The following SLC47A1 variants were observed in gnomAD, a reference collection of about 807,000 sequenced individuals.
SLC47A1 encodes the protein multidrug and toxin extrusion protein 1.
A neutral mutation model predicts 65.8 loss-of-function variants in SLC47A1; 58 were observed. That is an observed-to-expected ratio of 0.88 (90% confidence interval 0.71 to 1.10). The LOEUF (loss-of-function observed/expected upper bound fraction) is 1.10. Among genes scored for constraint, SLC47A1 ranks in the 50% least tolerant of loss-of-function variants. The pLI is 0.00. For missense variants in SLC47A1, 706 were observed against 719.2 expected, an observed-to-expected ratio of 0.98 and a Z score of 0.21; for synonymous variants, 285 against 295.0, an observed-to-expected ratio of 0.97 and a Z score of 0.35.
At chr17:19,535,870 A>G (rs993710911) in intron 1 of SLC47A1, among the ~76,000 whole-genome samples, 2 of 152,222 alleles carry the variant, frequency 1.3e-5, no homozygotes, top group Non-Finnish European at 2.9e-5. Context: ...GTCTCTGCAT[A>G]TTCATTTGTA....
intron 16 of SLC47A1, among the ~76,000 whole-genome samples, chr17:19,573,316 C>T (rs1198170614): frequency 6.6e-6 from 1 of 152,064 alleles, no homozygotes; most frequent in Non-Finnish European, 1.5e-5. Context: ...CGATTCCTGG[C>T]CCCTTAGGCA....
At chr17:19,570,254 G>A (rs2084389362) in intron 14 of SLC47A1, among the ~76,000 whole-genome samples, 2 of 152,194 alleles carry the variant, frequency 1.3e-5, no homozygotes, top group Non-Finnish European at 2.9e-5. Flanking sequence ...CATAGATCTG[G>A]ACAGCTGTGG....
intron 1 of SLC47A1, among the ~76,000 whole-genome samples, chr17:19,539,107 C>T (rs939002586): frequency 1.3e-5 from 2 of 152,080 alleles, no homozygotes; most frequent in African/African-American, 4.8e-5. Context: ...GGGGTCTCTA[C>T]AAAATGTTGC....
intron 10 of SLC47A1, 69 bp from the exon 11 acceptor site, chr17:19,560,119 C>T: frequency 8.7e-7 from 1 of 1,144,286 alleles, no homozygotes; most frequent in Non-Finnish European, 1.3e-6. Flanking sequence ...AGGCATGAGG[C>T]TGCTTCTCTG....
rs145625832 is a variant in SLC47A1, at chr17:19,570,313, C to T, written c.1310-1165C>T. On this transcript the variant is annotated intron_variant, in intron 14 of 16. Transcript: ENST00000270570. ...AAGACAAGCAAAGTCTGTGTATTCT[C>T]AGCAAGGGTGTTGGCTGCCACCACT... Among the ~76,000 whole-genome samples, 224 of 152,308 alleles carry T rather than the reference C, an allele frequency of 1.5e-3. 1 individual carries two copies. Among genetic ancestry groups the T allele is most frequent in the African/African-American group, 5.4e-3 (223 of 41,550 alleles).
chr17:19,555,856 T>TG lies in SLC47A1; in HGVS notation c.801dup (p.Leu268AlafsTer11), dbSNP rs1567969710. 6.2e-7 allele frequency: 1 copy of TG among 1,613,896 alleles called. No individual in the cohort carries two copies. The highest frequency in any genetic ancestry group is 1.7e-5 in the Admixed American group (1 of 60,026). On this transcript the variant is annotated frameshift_variant, in exon 9 of 17. Transcript: ENST00000270570. LOFTEE classifies it high-confidence loss of function. ...TTCCTCCGCCTGGCCATCCCCAGCATGCTCATGCTGTGCATGGAGTGGTGG... is the reference window on the plus strand; with the variant it reads ...TTCCTCCGCCTGGCCATCCCCAGCATGGCTCATGCTGTGCATGGAGTGGTGG...
intron 1 of SLC47A1, among the ~76,000 whole-genome samples, chr17:19,541,649 G>A (rs9905246): frequency 0.02 from 3,112 of 152,228 alleles, 99 homozygotes; most frequent in African/African-American, 0.072. Context: ...CGATCTCATC[G>A]CTACCTCCAG....
At chr17:19,559,452 G>T (rs2084290020) in intron 10 of SLC47A1, among the ~76,000 whole-genome samples, 1 of 152,228 alleles carries the variant, frequency 6.6e-6, no homozygotes, top group Admixed American at 6.5e-5. Flanking sequence ...AGCCCAGGAG[G>T]TCGAGGCTGT....
At position 19,555,783 on chromosome 17, in the gene SLC47A1, G is replaced by A. The variant is rs538176208; in HGVS notation, c.740-13G>A. 1.2e-6 allele frequency: 2 copies of A among 1,613,316 alleles called. No homozygotes were observed. Among genetic ancestry groups the A allele is most frequent in the Middle Eastern group, 1.6e-4 (1 of 6,062 alleles). ...GGCCAGATCTCCTGGAAATGTGTGTGTCCCCCCCACAGGCTGGTCCCTCGA... is the reference window on the plus strand; with the variant it reads ...GGCCAGATCTCCTGGAAATGTGTGTATCCCCCCCACAGGCTGGTCCCTCGA... On this transcript the variant is annotated splice_polypyrimidine_tract_variant and intron_variant, in intron 8 of 16. Transcript: ENST00000270570.
rs374955993 is a variant in SLC47A1, at chr17:19,555,789, C to G, written c.740-7C>G. ...ATCTCCTGGAAATGTGTGTGTCCCC[C>G]CCACAGGCTGGTCCCTCGAGTGCCT... On this transcript the variant is annotated splice_polypyrimidine_tract_variant and splice_region_variant and intron_variant, in intron 8 of 16. Coordinates refer to ENST00000270570, the MANE Select transcript of SLC47A1 (RefSeq NM_018242.3). 2 of 1,613,342 alleles carry G rather than the reference C, an allele frequency of 1.2e-6. No homozygotes were observed. The highest frequency in any genetic ancestry group is 1.7e-6 in the Non-Finnish European group (2 of 1,179,978).
At chr17:19,577,199 C>T in intron 16 of SLC47A1, 128 bp from the exon 17 acceptor site, 2 of 1,278,882 alleles carry the variant, frequency 1.6e-6, no homozygotes, top group Non-Finnish European at 2.1e-6. Flanking sequence ...TTTATTTATT[C>T]ACTGTAGCAA....
At chr17:19,577,015 G>A (rs1396572301) in intron 16 of SLC47A1, among the ~76,000 whole-genome samples, 1 of 152,134 alleles carries the variant, frequency 6.6e-6, no homozygotes, top group Non-Finnish European at 1.5e-5. Context: ...CCAAAGTGCT[G>A]GGATTACAGG....
chr17:19,561,642 CA>C (rs60772908), intron 12 of SLC47A1, among the ~76,000 whole-genome samples: 895 of 58,670 alleles, frequency 0.015, 2 homozygotes, highest in East Asian at 0.059. Context: ...GACTCTGTCT[CA>C]AAAAAAAAAA....
At chr17:19,561,642 C>CAAAA (rs60772908) in intron 12 of SLC47A1, among the ~76,000 whole-genome samples, 1 of 58,684 alleles carries the variant, frequency 1.7e-5, no homozygotes, top group Non-Finnish European at 4.0e-5. Flanking sequence ...GACTCTGTCT[C>CAAAA]AAAAAAAAAA....
intron 16 of SLC47A1, among the ~76,000 whole-genome samples, chr17:19,575,351 C>A (rs1401854768): frequency 6.6e-6 from 1 of 151,046 alleles, no homozygotes; most frequent in African/African-American, 2.4e-5. Context: ...ATGTAATATG[C>A]CTTCATTTTT....
chr17:19,560,892 A>G (rs577636750), intron 12 of SLC47A1, among the ~76,000 whole-genome samples: 314 of 151,470 alleles, frequency 2.1e-3, no homozygotes, highest in Non-Finnish European at 3.1e-3. Flanking sequence ...AAAAAAAAAA[A>G]AAAGAAAGAA....
chr17:19,570,059 CT>C (rs1241843908), intron 14 of SLC47A1, among the ~76,000 whole-genome samples: 2 of 152,108 alleles, frequency 1.3e-5, no homozygotes, highest in African/African-American at 4.8e-5. Context: ...CTGTAGTGAG[CT>C]GTGGTCATGC....
Position 19,533,961 on chromosome 17 carries a change from G to C in SLC47A1, c.22G>C (p.Ala8Pro). The change falls in exon 1 of 17, where the codon GCG becomes CCG. Residue 8 changes from alanine (A) to proline (P), a missense_variant. Ala to Pro is a conservative substitution (Grantham distance 27). Transcript: ENST00000270570. The part of the protein sequence containing the change: MEAPEEP[A>P]PVRGGPEATL... ...TCACATGGAAGCTCCTGAGGAGCCCGCGCCAGTGCGCGGAGGCCCGGAGGC... is the reference window on the plus strand; with the variant it reads ...TCACATGGAAGCTCCTGAGGAGCCCCCGCCAGTGCGCGGAGGCCCGGAGGC... The C allele has an allele frequency of 6.5e-7, 1 of 1,533,544 alleles. No individual in the cohort carries two copies. The highest frequency in any genetic ancestry group is 8.7e-7 in the Non-Finnish European group (1 of 1,143,634). 95.0% of individuals were successfully genotyped at this position (1,533,544 alleles called of 1,614,324 possible).
chr17:19,577,797 G>A lies in SLC47A1; in HGVS notation c.*244G>A, dbSNP rs760494866. On this transcript the variant is annotated 3_prime_UTR_variant, in exon 17 of 17. Coordinates refer to ENST00000270570, the MANE Select transcript of SLC47A1 (RefSeq NM_018242.3). Reference sequence around the variant, plus strand: ...AGTAATTCACCACTATCTGAACCAAGCAAGGATCAATGTGCTGACTGCATT... The same window carrying A: ...AGTAATTCACCACTATCTGAACCAAACAAGGATCAATGTGCTGACTGCATT... The A allele has an allele frequency of 2.2e-6, 3 of 1,347,900 alleles. No individual in the cohort carries two copies. Among genetic ancestry groups the A allele is most frequent in the Non-Finnish European group, 2.9e-6 (3 of 1,047,886 alleles). 83.5% of individuals were successfully genotyped at this position (1,347,900 alleles called of 1,614,324 possible).
Sources: allele counts gnomAD v4.1 joint callset (sites outside exome capture counted in the v4.1 genomes callset), GRCh38; gene constraint gnomAD v4.1.1; transcripts MANE v1.5; gene names NCBI Gene and HGNC (gene_info 2026-07-23, HGNC 2026-07-21).